The following PREX1 variants were observed in gnomAD, a reference collection of about 807,000 sequenced individuals.
The protein encoded by PREX1 is phosphatidylinositol 3,4,5-trisphosphate-dependent Rac exchanger 1 protein.
Under a neutral mutation model 198.3 loss-of-function variants are expected in PREX1, and 41 were observed. The observed-to-expected ratio is 0.21, with a 90% CI of 0.16 to 0.27. The LOEUF (loss-of-function observed/expected upper bound fraction) is 0.27, where lower values mean the gene tolerates loss of function less well. Among genes scored for constraint, PREX1 ranks in the 10% least tolerant of loss-of-function variants. The probability of loss-of-function intolerance (pLI) is 1.00; values close to 1 mark genes in which losing one functional copy is unlikely to be tolerated. For synonymous variants in PREX1, 843 were observed against 887.2 expected, an observed-to-expected ratio of 0.95 and a Z score of 0.89; for missense variants, 1,620 against 2,200.7, an observed-to-expected ratio of 0.74 and a Z score of 5.28.
At chr20:48,699,286 T>C (rs915949876) in intron 7 of PREX1, among the ~76,000 whole-genome samples, 23 of 152,344 alleles carry the variant, frequency 1.5e-4, no homozygotes, top group African/African-American at 5.5e-4. Flanking sequence ...TAGTCTTTGC[T>C]AGACAGAGGA....
chr20:48,779,466 T>C (rs1362733456), intron 1 of PREX1, among the ~76,000 whole-genome samples: 1 of 152,140 alleles, frequency 6.6e-6, no homozygotes, highest in African/African-American at 2.4e-5. Context: ...AAGTCAAATA[T>C]CTACTTACCA....
intron 19 of PREX1, among the ~76,000 whole-genome samples, chr20:48,655,010 G>A (rs1026839645): frequency 6.6e-6 from 1 of 152,238 alleles, no homozygotes; most frequent in African/African-American, 2.4e-5. Context: ...AGCTCCAGCT[G>A]AGGAGCCACT....
intron 21 of PREX1, 59 bp downstream of exon 21, chr20:48,652,527 G>GC: frequency 6.5e-7 from 1 of 1,537,722 alleles, no homozygotes; most frequent in Non-Finnish European, 8.8e-7. Context: ...AGAGGACCCA[G>GC]CCCCTCCGGA....
intron 1 of PREX1, among the ~76,000 whole-genome samples, chr20:48,762,452 G>A (rs1471468523): frequency 6.6e-6 from 1 of 152,144 alleles, no homozygotes; most frequent in Non-Finnish European, 1.5e-5. Flanking sequence ...CTCCTCAGTT[G>A]TGACAATCAA....
At chr20:48,786,145 T>G (rs1601135180) in intron 1 of PREX1, among the ~76,000 whole-genome samples, 1 of 147,052 alleles carries the variant, frequency 6.8e-6, no homozygotes, top group East Asian at 2.0e-4. Context: ...GTCGGGGAGG[T>G]GAGGTCAAAC....
chr20:48,847,124 A>G, the PREX1 span, among the ~76,000 whole-genome samples: 1 of 152,124 alleles, frequency 6.6e-6, no homozygotes, highest in East Asian at 1.9e-4. Flanking sequence ...TCTTAAAAAG[A>G]CAGTGCTAGG....
chr20:48,670,128 A>G (rs779829610), intron 14 of PREX1, among the ~76,000 whole-genome samples: 2 of 152,190 alleles, frequency 1.3e-5, no homozygotes, highest in Non-Finnish European at 2.9e-5. Context: ...GACTGCTCAG[A>G]GCTGGACACC....
At chr20:48,796,639 T>G (rs1354099747) in intron 1 of PREX1, among the ~76,000 whole-genome samples, 2 of 151,136 alleles carry the variant, frequency 1.3e-5, no homozygotes, top group Non-Finnish European at 2.9e-5. Flanking sequence ...CATATACATA[T>G]ATACTGTATA....
chr20:48,792,853 C>CACACACACACACACACACACAT (rs1256864071), intron 1 of PREX1, among the ~76,000 whole-genome samples: 3 of 145,354 alleles, frequency 2.1e-5, no homozygotes, highest in African/African-American at 7.9e-5. Flanking sequence ...CACACACACA[C>CACACACACACACACACACACAT]ATAGTATGAT....
chr20:48,701,871 G>C (rs2089876759), intron 6 of PREX1, among the ~76,000 whole-genome samples: 1 of 152,124 alleles, frequency 6.6e-6, no homozygotes, highest in African/African-American at 2.4e-5. Context: ...GGGCAGCGTG[G>C]CTGGGAAAGG....
chr20:48,696,800 G>C (rs768072802), intron 7 of PREX1, among the ~76,000 whole-genome samples: 1 of 152,032 alleles, frequency 6.6e-6, no homozygotes, highest in Non-Finnish European at 1.5e-5. Context: ...TTCTGGCTTC[G>C]GCTCCTGGGC....
chr20:48,791,181 C>G (rs2090337412), intron 1 of PREX1, among the ~76,000 whole-genome samples: 1 of 152,194 alleles, frequency 6.6e-6, no homozygotes, highest in South Asian at 2.1e-4. Flanking sequence ...TAATATCACT[C>G]CCTTCGGTAA....
the PREX1 span, among the ~76,000 whole-genome samples, chr20:48,849,250 C>T: frequency 2.0e-5 from 3 of 152,076 alleles, no homozygotes; most frequent in Admixed American, 2.0e-4. Flanking sequence ...TATATATATA[C>T]ATATCACTAT....
chr20:48,777,105 CT>C (rs1223259751), intron 1 of PREX1, among the ~76,000 whole-genome samples: 1 of 152,062 alleles, frequency 6.6e-6, no homozygotes, highest in Non-Finnish European at 1.5e-5. Context: ...GGGAAGTGAG[CT>C]AACGTTTATG....
chr20:48,887,420 A>C, the PREX1 span, among the ~76,000 whole-genome samples: 1 of 151,956 alleles, frequency 6.6e-6, no homozygotes, highest in Non-Finnish European at 1.5e-5. Flanking sequence ...AACATGGTTG[A>C]CTCAGCCTGG....
At chr20:48,836,587 C>A in the PREX1 span, among the ~76,000 whole-genome samples, 1 of 152,036 alleles carries the variant, frequency 6.6e-6, no homozygotes, top group Non-Finnish European at 1.5e-5. Context: ...AGCCCTGAGC[C>A]CCAATTTCTT....
At chr20:48,757,305 C>T (rs2090159753) in intron 1 of PREX1, among the ~76,000 whole-genome samples, 1 of 152,164 alleles carries the variant, frequency 6.6e-6, no homozygotes, top group Non-Finnish European at 1.5e-5. Context: ...AAAGTCAGTC[C>T]CAGGAGGGTG....
At chr20:48,716,353 G>C (rs922972017) in intron 5 of PREX1, among the ~76,000 whole-genome samples, 2 of 152,210 alleles carry the variant, frequency 1.3e-5, no homozygotes, top group African/African-American at 4.8e-5. Context: ...CCCGCTCTGA[G>C]CAGCCCCTTC....
chr20:48,636,569 C>T lies in PREX1; in HGVS notation c.4061G>A (p.Gly1354Asp), dbSNP rs2089365948. ...AALGYRYNNN[G>D]EYEESSRDAS... ...GTCGCGGCTGCTCTCCTCGTACTCG[C>T]CATTGTTGTTGTAGCGGTAGCCCAG... The change falls in exon 32 of 40, where the codon GGC becomes GAC. Residue 1354 changes from glycine to aspartate, a missense_variant. Coordinates refer to ENST00000371941, the MANE Select transcript of PREX1 (RefSeq NM_020820.4). The T allele has an allele frequency of 6.2e-7, 1 of 1,612,056 alleles. No homozygotes were observed. The highest frequency in any genetic ancestry group is 8.5e-7 in the Non-Finnish European group (1 of 1,179,710).
Sources: gnomAD v4.1 joint callset for allele counts (sites outside exome capture counted in the v4.1 genomes callset) on GRCh38, gnomAD v4.1.1 for gene constraint, MANE v1.5 for transcripts, NCBI Gene and HGNC (gene_info 2026-07-23, HGNC 2026-07-21) for gene names.